SLIT2: variants seen among roughly 807,000 people sequenced by gnomAD.
SLIT2 encodes the protein slit guidance ligand 2.
A neutral mutation model predicts 185.7 loss-of-function variants in SLIT2; 41 were observed. The ratio of observed to expected loss-of-function variants is 0.22; its 90% CI spans 0.17 to 0.29. The LOEUF (loss-of-function observed/expected upper bound fraction) is 0.29, where lower values mean the gene tolerates loss of function less well. Ranked by LOEUF, SLIT2 falls within the 10% of genes least tolerant of loss-of-function variation. SLIT2 has a pLI of 1.00. For missense variants in SLIT2, 1,571 were observed against 1,909.0 expected (o/e 0.82, Z 3.30); for synonymous variants, 693 against 680.2 (o/e 1.02, Z -0.29).
Position 20,427,128 on chromosome 4 carries a change from C to T in SLIT2, c.396-40624C>T, listed in dbSNP as rs577655126. 7.5e-4 allele frequency among the ~76,000 whole-genome samples: 114 copies of T among 152,312 alleles called. 1 individual carries two copies. Among genetic ancestry groups the T allele is most frequent in the Admixed American group, 1.9e-3 (29 of 15,304 alleles). ...TCAATCCTCAATTGAAAGGCAAAGA[C>T]AGGCTTAAAGAAAACAGAGATTTTC... On this transcript the variant is annotated intron_variant, in intron 4 of 36. Coordinates refer to ENST00000504154, the MANE Select transcript of SLIT2 (RefSeq NM_004787.4).
intron 4 of SLIT2, among the ~76,000 whole-genome samples, chr4:20,407,987 G>C (rs1411713984): frequency 6.6e-6 from 1 of 152,084 alleles, no homozygotes; most frequent in Non-Finnish European, 1.5e-5. Context: ...GCTGTGATAG[G>C]GGAACCCATA....
intron 4 of SLIT2, among the ~76,000 whole-genome samples, chr4:20,325,202 T>C (rs899814986): frequency 2.0e-5 from 3 of 151,822 alleles, no homozygotes; most frequent in African/African-American, 7.3e-5. Context: ...TGGTGGAAGA[T>C]GGCTTTCAAA....
intron 4 of SLIT2, among the ~76,000 whole-genome samples, chr4:20,333,912 T>C (rs1720273261): frequency 6.6e-6 from 1 of 152,182 alleles, no homozygotes; most frequent in Admixed American, 6.5e-5. Flanking sequence ...CTTTGGATTG[T>C]TGCCTAATAG....
intron 4 of SLIT2, among the ~76,000 whole-genome samples, chr4:20,458,480 A>C (rs1252466453): frequency 6.6e-6 from 1 of 152,218 alleles, no homozygotes; most frequent in Non-Finnish European, 1.5e-5. Flanking sequence ...ACTTGTTAAA[A>C]ATATAGATTC....
intron 4 of SLIT2, among the ~76,000 whole-genome samples, chr4:20,383,954 C>T (rs1724737015): frequency 6.6e-6 from 1 of 152,114 alleles, no homozygotes; most frequent in Admixed American, 6.5e-5. Context: ...GATCCACTCA[C>T]CTAGGCCTCC....
At chr4:20,373,730 A>G (rs1438187764) in intron 4 of SLIT2, among the ~76,000 whole-genome samples, 2 of 152,202 alleles carry the variant, frequency 1.3e-5, no homozygotes, top group Middle Eastern at 3.4e-3. Context: ...GTGAAACCCA[A>G]TTGCATATCC....
chr4:20,389,176 T>A (rs924669907), intron 4 of SLIT2, among the ~76,000 whole-genome samples: 3 of 151,480 alleles, frequency 2.0e-5, no homozygotes, highest in Non-Finnish European at 4.4e-5. Flanking sequence ...TTTATAACTG[T>A]AAATTGCCAT....
chr4:20,526,732 T>C (rs1320665648), intron 15 of SLIT2, among the ~76,000 whole-genome samples: 1 of 152,204 alleles, frequency 6.6e-6, no homozygotes, highest in Non-Finnish European at 1.5e-5. Flanking sequence ...TTTCAATTTA[T>C]GATAATTTAA....
At chr4:20,316,736 A>G (rs1448683706) in intron 4 of SLIT2, among the ~76,000 whole-genome samples, 5 of 151,252 alleles carry the variant, frequency 3.3e-5, no homozygotes, top group South Asian at 2.1e-4. Flanking sequence ...TATTTTACCT[A>G]TACATTAGTT....
chr4:20,424,275 C>CT (rs550615533), intron 4 of SLIT2, among the ~76,000 whole-genome samples: 42 of 152,058 alleles, frequency 2.8e-4, no homozygotes, highest in Non-Finnish European at 5.6e-4. Flanking sequence ...TTATTGTTCT[C>CT]TGACAGGTCT....
chr4:20,414,485 C>T (rs1343797287), intron 4 of SLIT2, among the ~76,000 whole-genome samples: 1 of 152,126 alleles, frequency 6.6e-6, no homozygotes, highest in African/African-American at 2.4e-5. Context: ...CCTCTAGTGT[C>T]CTTTTATTTC....
At chr4:20,513,532 G>A (rs546153958) in intron 11 of SLIT2, among the ~76,000 whole-genome samples, 1 of 152,256 alleles carries the variant, frequency 6.6e-6, no homozygotes, top group African/African-American at 2.4e-5. Context: ...TATTGGGCCC[G>A]ATTATGTACT....
Position 20,529,115 on chromosome 4 carries a change from A to T in SLIT2, c.1613+16A>T. 1 of 1,564,544 alleles carries T rather than the reference A, an allele frequency of 6.4e-7. No individual in the cohort carries two copies. Among genetic ancestry groups the T allele is most frequent in the Non-Finnish European group, 8.7e-7 (1 of 1,147,752 alleles). The stretch of plus-strand genomic sequence containing the variant: ...CTGCAGAGTTGTAAGTTCATCCCCC[A>T]ACAAAATTCTGGTTGGGATGGAGGG... On this transcript the variant is annotated intron_variant, in intron 16 of 36. Transcript: ENST00000504154.
chr4:20,324,627 G>A (rs534428897), intron 4 of SLIT2, among the ~76,000 whole-genome samples: 29 of 152,226 alleles, frequency 1.9e-4, no homozygotes, highest in Admixed American at 1.1e-3. Flanking sequence ...AAAGACGGTG[G>A]ATATTGCATT....
At chr4:20,363,391 G>A (rs1722886300) in intron 4 of SLIT2, among the ~76,000 whole-genome samples, 1 of 152,080 alleles carries the variant, frequency 6.6e-6, no homozygotes, top group Non-Finnish European at 1.5e-5. Context: ...TTTCTGCAGA[G>A]CAGGAGAATA....
intron 4 of SLIT2, among the ~76,000 whole-genome samples, chr4:20,340,116 A>C (rs1275312271): frequency 6.6e-6 from 1 of 151,898 alleles, no homozygotes; most frequent in Non-Finnish European, 1.5e-5. Flanking sequence ...TTTATGTGGG[A>C]ACGTAGTAGG....
chr4:20,557,657 A>G (rs555931068), intron 26 of SLIT2, among the ~76,000 whole-genome samples: 2 of 152,192 alleles, frequency 1.3e-5, no homozygotes, highest in Admixed American at 1.3e-4. Flanking sequence ...GCCCATGGAT[A>G]AAGGAATAAT....
intron 2 of SLIT2, 38 bp downstream of exon 2, chr4:20,256,781 G>A (rs1271611938): frequency 2.8e-6 from 3 of 1,059,514 alleles, no homozygotes; most frequent in Non-Finnish European, 2.8e-6. Context: ...AATTTTTTAA[G>A]GTTGCATATT....
At chr4:20,413,940 A>G (rs1434173848) in intron 4 of SLIT2, among the ~76,000 whole-genome samples, 1 of 152,024 alleles carries the variant, frequency 6.6e-6, no homozygotes, top group Non-Finnish European at 1.5e-5. Context: ...TGGTCCATTT[A>G]ATTACTGACA....
Sources: gnomAD v4.1 joint callset for allele counts (sites outside exome capture counted in the v4.1 genomes callset) on GRCh38, gnomAD v4.1.1 for gene constraint, MANE v1.5 for transcripts, NCBI Gene and HGNC (gene_info 2026-07-23, HGNC 2026-07-21) for gene names.